Variants in USP28 observed in about 807,000 individuals in gnomAD.
USP28 encodes ubiquitin specific peptidase 28.
In USP28, 113 loss-of-function variants were observed where a neutral mutation model predicts 145.0. That is an observed-to-expected ratio of 0.78 (90% CI 0.67 to 0.91). The LOEUF is 0.91. Among genes scored for constraint, USP28 ranks in the 40% least tolerant of loss-of-function variants. The pLI is 0.00. For missense variants in USP28, 1,201 were observed against 1,289.6 expected (o/e 0.93, Z 1.05); for synonymous variants, 447 against 450.9 (o/e 0.99, Z 0.11).
Position 113,815,375 on chromosome 11 carries a change from T to C in USP28, c.1471A>G (p.Thr491Ala), listed in dbSNP as rs1243023078. Residue 491 changes from threonine (T) to alanine (A), a missense_variant, in exon 14 of 25, where the codon ACA becomes GCA. Thr to Ala is a moderately conservative substitution (Grantham distance 58, BLOSUM62 0). Coordinates refer to ENST00000003302, the Ensembl canonical transcript of USP28. ...TCAACATCCTGAGAAGAGCTTTCTG[T>C]ACTTGTACTGAGGAAGACAAAAATC... is the stretch of plus-strand genomic sequence containing the variant. 1.9e-6 allele frequency: 3 copies of C among 1,613,860 alleles called. No individual in the cohort carries two copies. The Admixed American group carries it at 5.0e-5, about 27-fold the overall frequency.
intron 8 of USP28, among the ~76,000 whole-genome samples, 187 bp from the exon 9 acceptor site, chr11:113,831,130 G>A (rs780941629): frequency 2.5e-4 from 38 of 152,146 alleles, no homozygotes; most frequent in Non-Finnish European, 5.1e-4. Flanking sequence ...CGAGCATTGT[G>A]CTAAACTCTG....
At chr11:113,839,914 G>A (rs1945004683) in intron 5 of USP28, among the ~76,000 whole-genome samples, 1 of 152,098 alleles carries the variant, frequency 6.6e-6, no homozygotes, top group Non-Finnish European at 1.5e-5. Flanking sequence ...CTCAGCTACT[G>A]GAGAGGCAGG....
At chr11:113,874,982 G>C (rs2137353544) in intron 1 of USP28, 1 of 922,726 alleles carries the variant, frequency 1.1e-6, no homozygotes, top group East Asian at 1.2e-4. Flanking sequence ...TGGTCTTATA[G>C]AAGACGGTGA....
At chr11:113,857,892 G>A (rs1030948630) in intron 1 of USP28, among the ~76,000 whole-genome samples, 4 of 151,682 alleles carry the variant, frequency 2.6e-5, no homozygotes, top group African/African-American at 4.8e-5. Flanking sequence ...ACAGGGTCTC[G>A]CTCTGTGGCC....
At chr11:113,799,249 T>C (rs1283174037) in exon 25 of USP28, 2 of 1,612,604 alleles carry the variant, frequency 1.2e-6, no homozygotes, top group African/African-American at 2.7e-5. Context: ...CTTATTTCAC[T>C]GTCACAGTTG....
chr11:113,873,479 A>G (rs1949025100), intron 1 of USP28, among the ~76,000 whole-genome samples: 1 of 152,194 alleles, frequency 6.6e-6, no homozygotes, highest in Non-Finnish European at 1.5e-5. Flanking sequence ...GCTCACACAC[A>G]GTCTCAAACG....
intron 3 of USP28, among the ~76,000 whole-genome samples, 161 bp downstream of exon 3, chr11:113,852,340 G>A (rs1476370545): frequency 2.0e-5 from 3 of 152,188 alleles, no homozygotes; most frequent in Non-Finnish European, 4.4e-5. Flanking sequence ...AACTTTTTAC[G>A]TGCTTAGAAT....
At chr11:113,821,151 C>T in intron 12 of USP28, 1 of 230,466 alleles carries the variant, frequency 4.3e-6, no homozygotes, top group South Asian at 7.4e-5. Context: ...ACCATCTTCC[C>T]TGTATCTTCA....
chr11:113,861,736 CAT>C (rs1947716021), intron 1 of USP28, among the ~76,000 whole-genome samples: 2 of 152,232 alleles, frequency 1.3e-5, no homozygotes, highest in South Asian at 4.1e-4. Flanking sequence ...TATATTTTTT[CAT>C]ATGATACATA....
At chr11:113,820,821 G>GCCTCC in intron 12 of USP28, 1 of 153,702 alleles carries the variant, frequency 6.5e-6, no homozygotes, top group Non-Finnish European at 1.5e-5. Flanking sequence ...TGCTGCTTCT[G>GCCTCC]CCTCCCCACG....
At chr11:113,806,343 T>G (rs1591488923) in intron 19 of USP28, 146 bp downstream of exon 20, 1 of 635,064 alleles carries the variant, frequency 1.6e-6, no homozygotes, top group African/African-American at 1.9e-5. Context: ...CAAGTGAGCC[T>G]CTACTTCAGC....
At chr11:113,829,332 A>G (rs745538253) in exon 10 of USP28, 2 of 1,614,162 alleles carry the variant, frequency 1.2e-6, no homozygotes, top group Non-Finnish European at 1.7e-6. Flanking sequence ...TCTCATTGTT[A>G]CAAAAGGGTT....
At chr11:113,798,981 G>A (rs1248931074) in exon 25 of USP28, 4 of 290,728 alleles carry the variant, frequency 1.4e-5, no homozygotes, top group Non-Finnish European at 2.5e-5. Context: ...TAGGTACAAG[G>A]CATTTCAGGT....
chr11:113,827,114 A>G, intron 11 of USP28, 119 bp downstream of exon 11: 1 of 1,283,274 alleles, frequency 7.8e-7, no homozygotes, highest in Admixed American at 2.6e-5. Context: ...AGACTCATAG[A>G]ATCCAAATTT....
chr11:113,870,274 C>T (rs1287885444), intron 1 of USP28, among the ~76,000 whole-genome samples: 1 of 152,202 alleles, frequency 6.6e-6, no homozygotes, highest in Admixed American at 6.5e-5. Flanking sequence ...TGCCTGTAAT[C>T]CCAACACTTT....
chr11:113,864,423 G>C (rs547893019), intron 1 of USP28, among the ~76,000 whole-genome samples: 1 of 152,190 alleles, frequency 6.6e-6, no homozygotes, highest in Non-Finnish European at 1.5e-5. Context: ...CGGAGACTGA[G>C]AAGTCTCAAG....
intron 1 of USP28, among the ~76,000 whole-genome samples, chr11:113,861,739 A>T (rs1358431707): frequency 1.3e-5 from 2 of 152,184 alleles, no homozygotes; most frequent in Admixed American, 1.3e-4. Flanking sequence ...ATTTTTTCAT[A>T]TGATACATAA....
At chr11:113,805,239 G>A (rs1370365982) in intron 19 of USP28, among the ~76,000 whole-genome samples, 193 bp from the exon 21 acceptor site, 2 of 144,018 alleles carry the variant, frequency 1.4e-5, no homozygotes, top group East Asian at 2.1e-4. Context: ...TTAGCATTCT[G>A]GCACCAAAAA....
chr11:113,858,106 T>C (rs1368874972), intron 1 of USP28, among the ~76,000 whole-genome samples: 2 of 152,152 alleles, frequency 1.3e-5, no homozygotes, highest in Non-Finnish European at 2.9e-5. Context: ...CCTCAAGTGA[T>C]CCACCTGTCT....
Sources: allele counts gnomAD v4.1 joint callset (sites outside exome capture counted in the v4.1 genomes callset), GRCh38; gene constraint gnomAD v4.1.1; transcripts MANE v1.5; gene names NCBI Gene and HGNC (gene_info 2026-07-23, HGNC 2026-07-21).